The following TRPS1 variants were observed in gnomAD, a reference collection of about 807,000 sequenced individuals.
TRPS1 encodes the protein transcriptional repressor GATA binding 1.
In TRPS1, 6 loss-of-function variants were observed where a neutral mutation model predicts 101.2. The observed-to-expected ratio is 0.06, with a 90% CI of 0.03 to 0.12. TRPS1 has a LOEUF of 0.12. Ranked by LOEUF, TRPS1 falls within the 10% of genes least tolerant of loss-of-function variation. TRPS1 has a pLI of 1.00. For missense variants in TRPS1, 1,363 were observed against 1,567.0 expected (o/e 0.87, Z 2.20); for synonymous variants, 578 against 589.8 (o/e 0.98, Z 0.29).
chr8:115,457,171 G>T (rs1814048531), intron 5 of TRPS1, among the ~76,000 whole-genome samples: 1 of 152,164 alleles, frequency 6.6e-6, no homozygotes, highest in Non-Finnish European at 1.5e-5. Context: ...TTGATAAAAA[G>T]AAGTGGTTAA....
intron 2 of TRPS1, among the ~76,000 whole-genome samples, chr8:115,621,543 A>G (rs1818392343): frequency 6.6e-6 from 1 of 152,240 alleles, no homozygotes; most frequent in African/African-American, 2.4e-5. Flanking sequence ...AGGATAGTGC[A>G]CTAGAGTATA....
chr8:115,653,727 G>A (rs1437433722), intron 1 of TRPS1, among the ~76,000 whole-genome samples: 5 of 152,096 alleles, frequency 3.3e-5, no homozygotes, highest in South Asian at 2.1e-4. Context: ...AAGACAGAGC[G>A]GAAAATCCAT....
intron 5 of TRPS1, among the ~76,000 whole-genome samples, chr8:115,550,612 T>A (rs771171311): frequency 2.0e-5 from 3 of 152,214 alleles, no homozygotes; most frequent in Non-Finnish European, 2.9e-5. Flanking sequence ...AGTAGTGACC[T>A]CTCTGGTACT....
chr8:115,603,359 G>A (rs959909980), intron 4 of TRPS1, among the ~76,000 whole-genome samples: 1 of 152,126 alleles, frequency 6.6e-6, no homozygotes, highest in Non-Finnish European at 1.5e-5. Context: ...ATTACTGTTT[G>A]TATGCTAAAC....
rs928365990 is a variant in TRPS1 at position 115,413,662 on chromosome 8, T to G, written c.*361A>C. The G allele has an allele frequency of 8.5e-6, 2 of 236,484 alleles. No individual in the cohort carries two copies. The highest frequency in any genetic ancestry group is 1.0e-4 in the Admixed American group (2 of 19,300). The allele number at this position is 236,484 out of a possible 1,614,324, so 14.6% of individuals were successfully genotyped here. ...AGTACTGCTTTAGTATAATAATATG[T>G]AAACCCTTTCAAATTCTAGACAGTT... is the stretch of plus-strand genomic sequence containing the variant. On this transcript the variant is annotated 3_prime_UTR_variant, in exon 7 of 7. Coordinates refer to ENST00000395715, the MANE Select transcript of TRPS1 (RefSeq NM_014112.5).
intron 5 of TRPS1, among the ~76,000 whole-genome samples, chr8:115,555,645 C>T (rs186962413): frequency 8.5e-5 from 13 of 152,106 alleles, no homozygotes; most frequent in Non-Finnish European, 1.5e-5. Flanking sequence ...TATATTTCCA[C>T]TATGCAAGCC....
chr8:115,526,257 T>A lies in TRPS1; in HGVS notation c.2700+60744A>T, dbSNP rs555020411. Among the ~76,000 whole-genome samples the A allele has an allele frequency of 1.5e-3, 232 of 151,906 alleles. 1 individual carries two copies. The highest frequency in any genetic ancestry group is 5.4e-3 in the African/African-American group (224 of 41,440). On this transcript the variant is annotated intron_variant, in intron 5 of 6. Coordinates refer to ENST00000395715, the MANE Select transcript of TRPS1 (RefSeq NM_014112.5). ...CCGGGAGCTGGAGGTTGCAGTGAGC[T>A]GACATCACGCCACTTACACTCCAGC...
At chr8:115,426,915 A>C (rs1813201251) in intron 5 of TRPS1, among the ~76,000 whole-genome samples, 2 of 152,162 alleles carry the variant, frequency 1.3e-5, no homozygotes. Flanking sequence ...TCTTTGACTT[A>C]TCTAGCATCA....
chr8:115,549,153 C>T (rs1230338821), intron 5 of TRPS1, among the ~76,000 whole-genome samples: 2 of 152,112 alleles, frequency 1.3e-5, no homozygotes, highest in African/African-American at 4.8e-5. Context: ...AATGTGAAAG[C>T]CGAACTGTTC....
In TRPS1 at chr8:115,619,819, C is replaced by G; in HGVS notation, c.279G>C (p.Leu93=). The G allele has an allele frequency of 6.2e-7, 1 of 1,614,196 alleles. No individual in the cohort carries two copies. The highest frequency in any genetic ancestry group is 8.5e-7 in the Non-Finnish European group (1 of 1,180,024). The change falls in exon 3 of 7, where the codon CTG becomes CTC. Residue 93 remains leucine, a synonymous_variant. Coordinates refer to ENST00000395715, the MANE Select transcript of TRPS1 (RefSeq NM_014112.5). ...SSKKDLKSAV[L]SEKAGFNYES... is the part of the protein sequence containing the mutation. Reference sequence around the variant, plus strand: ...CATAATTGAAGCCAGCCTTCTCACTCAGAACTGCGCTTTTCAAGTCCTTCT... The same window carrying G: ...CATAATTGAAGCCAGCCTTCTCACTGAGAACTGCGCTTTTCAAGTCCTTCT...
At chr8:115,640,540 G>A (rs1178239694) in intron 1 of TRPS1, among the ~76,000 whole-genome samples, 5 of 152,126 alleles carry the variant, frequency 3.3e-5, no homozygotes, top group African/African-American at 9.7e-5. Context: ...TGTTGTTCGT[G>A]TTCACAGGAA....
chr8:115,411,050 T>G lies in TRPS1; in HGVS notation c.*2973A>C, dbSNP rs1003136715. 1 of 151,892 alleles carries G rather than the reference T, an allele frequency of 6.6e-6. No homozygotes were observed. The highest frequency in any genetic ancestry group is 1.5e-5 in the Non-Finnish European group (1 of 67,932). 9.4% of individuals were successfully genotyped at this position (151,892 alleles called of 1,614,324 possible). A position where few individuals can be genotyped will look rare whatever the true frequency, so the allele number is the denominator to read the frequency against. On this transcript the variant is annotated 3_prime_UTR_variant, in exon 7 of 7. Transcript: ENST00000395715. ...GTCAAAAAAGGAGTGTTTAGTGTTA[T>G]AATAAATTTTTGTCTCTTTCAAAAA...
chr8:115,411,501 C>T lies in TRPS1; in HGVS notation c.*2522G>A, dbSNP rs573700273. On this transcript the variant is annotated 3_prime_UTR_variant, in exon 7 of 7. Coordinates refer to ENST00000395715, the MANE Select transcript of TRPS1 (RefSeq NM_014112.5). ...GATTGCCACGATGCATTCTGTTATT[C>T]TTTTTACTAAGAAAATTAAATATTG... 6.6e-6 allele frequency: 1 copy of T among 152,524 alleles called. No homozygotes were observed. The highest frequency in any genetic ancestry group is 2.4e-5 in the African/African-American group (1 of 41,554). The allele number at this position is 152,524 out of a possible 1,614,324, so 9.4% of individuals were successfully genotyped here.
chr8:115,594,579 T>C (rs908844213), intron 4 of TRPS1, among the ~76,000 whole-genome samples: 1 of 151,288 alleles, frequency 6.6e-6, no homozygotes, highest in Non-Finnish European at 1.5e-5. Context: ...AAGATCAAAT[T>C]TGTATTTAAT....
At chr8:115,627,301 A>T (rs1262858008) in intron 1 of TRPS1, among the ~76,000 whole-genome samples, 1 of 151,768 alleles carries the variant, frequency 6.6e-6, no homozygotes, top group Admixed American at 6.6e-5. Flanking sequence ...GCAGAAAAGT[A>T]GTTTTTCCTT....
At chr8:115,566,994 CT>C (rs1242719291) in intron 5 of TRPS1, among the ~76,000 whole-genome samples, 1 of 152,058 alleles carries the variant, frequency 6.6e-6, no homozygotes, top group South Asian at 2.1e-4. Context: ...TATGTCTCTG[CT>C]TTTTATCCTA....
chr8:115,440,112 T>C (rs3808409), intron 5 of TRPS1, among the ~76,000 whole-genome samples: 35,060 of 152,198 alleles, frequency 0.23, 5,033 homozygotes, highest in Middle Eastern at 0.44. Context: ...AGCTTGGGAA[T>C]TGGTCACAAT....
chr8:115,414,611 A>G lies in TRPS1; in HGVS notation c.3297T>C (p.Pro1099=). Residue 1099 remains proline, a synonymous_variant, in exon 7 of 7, where the codon CCT becomes CCC. Transcript: ENST00000395715. This position sits in a 1 kb window ranked among gnomAD's most constrained non-coding sequence, Gnocchi z 4.8. ...KHPNYSPPGS[P]IEKYQYPLFG... ...AAAGTGGGTACTGGTACTTTTCAAT[A>G]GGGCTGCCTGGTGGTGAATAATTTG... The G allele has an allele frequency of 6.2e-7, 1 of 1,613,992 alleles. No homozygotes were observed. The highest frequency in any genetic ancestry group is 8.5e-7 in the Non-Finnish European group (1 of 1,179,944).
Position 115,587,268 on chromosome 8 carries a change from G to A in TRPS1, c.2433C>T (p.Asp811=), listed in dbSNP as rs1027122848. Reference sequence around the variant, plus strand: ...TGTATGACGGACTCCCCCGCAGGATGTCTGCCCCTCTCCAAGTCACATTGC... The same window carrying A: ...TGTATGACGGACTCCCCCGCAGGATATCTGCCCCTCTCCAAGTCACATTGC... The part of the protein sequence containing the change: ...DLRNVTWRGA[D]ILRGSPSYTQ... The change falls in exon 5 of 7, where the codon GAC becomes GAT. Residue 811 remains aspartate (D), a synonymous_variant. Coordinates refer to ENST00000395715, the MANE Select transcript of TRPS1 (RefSeq NM_014112.5). 2.5e-6 allele frequency: 4 copies of A among 1,614,098 alleles called. No homozygotes were observed. The African/African-American group carries it at 5.3e-5, about 22-fold the overall frequency.
Sources: allele counts gnomAD v4.1 joint callset (sites outside exome capture counted in the v4.1 genomes callset), GRCh38; gene constraint gnomAD v4.1.1; non-coding constraint Gnocchi (gnomAD v3.1); transcripts MANE v1.5; gene names NCBI Gene and HGNC (gene_info 2026-07-23, HGNC 2026-07-21).